Variants in CENPP observed in about 807,000 individuals in gnomAD.
CENPP encodes the protein centromere protein P.
CENPP carries 24 observed loss-of-function variants against 35.6 expected under a neutral mutation model. That is an observed-to-expected ratio of 0.67 (90% CI 0.49 to 0.95). The LOEUF is 0.95. Among genes scored for constraint, CENPP ranks in the 40% least tolerant of loss-of-function variants. CENPP has a pLI of 0.00. For missense variants in CENPP, 332 were observed against 345.3 expected (o/e 0.96, Z 0.31); for synonymous variants, 120 against 125.5 (o/e 0.96, Z 0.29).
At chr9:92,475,044 G>A in intron 5 of CENPP, 1 of 1,098,168 alleles carries the variant, frequency 9.1e-7, no homozygotes, top group Non-Finnish European at 1.2e-6. Context: ...GCTAATCTGA[G>A]AGTAAATTTA....
intron 4 of CENPP, among the ~76,000 whole-genome samples, chr9:92,368,488 C>T (rs1221774013): frequency 6.6e-6 from 1 of 152,158 alleles, no homozygotes; most frequent in Non-Finnish European, 1.5e-5. Flanking sequence ...TCAAGAGCTA[C>T]ACCAAATTAA....
rs539302447 is a variant in CENPP, at chr9:92,358,247, C to CT, written c.467+12469dup. Among the ~76,000 whole-genome samples, 65 of 148,396 alleles carry CT rather than the reference C, an allele frequency of 4.4e-4. No individual in the cohort carries two copies. The Middle Eastern group carries it at 0.01, about 24-fold the overall frequency. ...CCATGTCCCACAGTTTCCTTACATT[C>CT]TTTTTTTTTCTTTTTAATGGAGTTT... On this transcript the variant is annotated intron_variant, in intron 4 of 7. Transcript: ENST00000375587.
chr9:92,467,227 C>T (rs1287133877), intron 5 of CENPP, among the ~76,000 whole-genome samples: 1 of 152,162 alleles, frequency 6.6e-6, no homozygotes, highest in Non-Finnish European at 1.5e-5. Flanking sequence ...AAAAAGAGCT[C>T]GTACCAGTGT....
intron 5 of CENPP, among the ~76,000 whole-genome samples, chr9:92,457,975 C>T (rs1456473138): frequency 6.6e-6 from 1 of 152,054 alleles, no homozygotes; most frequent in South Asian, 2.1e-4. Flanking sequence ...GAATTAGGCT[C>T]ACAATTTGAT....
At chr9:92,495,635 A>G (rs1846307802) in intron 5 of CENPP, 1 of 934,030 alleles carries the variant, frequency 1.1e-6, no homozygotes, top group Non-Finnish European at 1.3e-6. Flanking sequence ...AATTATAGAA[A>G]AGTTTCAAAA....
intron 5 of CENPP, among the ~76,000 whole-genome samples, chr9:92,569,947 C>G (rs1334904236): frequency 1.3e-5 from 2 of 152,172 alleles, no homozygotes; most frequent in East Asian, 3.9e-4. Flanking sequence ...TGAGACTTTG[C>G]TGAAGTTGCT....
intron 5 of CENPP, among the ~76,000 whole-genome samples, chr9:92,391,062 C>T (rs1210212082): frequency 5.9e-5 from 9 of 151,398 alleles, no homozygotes; most frequent in Admixed American, 5.9e-4. Context: ...GTCAGGAGTT[C>T]GAGACCAGCC....
At chr9:92,567,393 T>G (rs111366562) in intron 5 of CENPP, among the ~76,000 whole-genome samples, 4,781 of 124,876 alleles carry the variant, frequency 0.038, 143 homozygotes, top group Middle Eastern at 0.058. Context: ...TATATATATA[T>G]ATAGATATAT....
At chr9:92,422,293 A>G (rs1277656771) in intron 5 of CENPP, among the ~76,000 whole-genome samples, 1 of 152,074 alleles carries the variant, frequency 6.6e-6, no homozygotes, top group Non-Finnish European at 1.5e-5. Flanking sequence ...ACCTCAGGTG[A>G]TCCGCCCACC....
intron 5 of CENPP, among the ~76,000 whole-genome samples, chr9:92,580,368 G>T (rs1179641335): frequency 6.6e-6 from 1 of 152,132 alleles, no homozygotes; most frequent in Admixed American, 6.6e-5. Context: ...AATAGTTTCA[G>T]AAGGAATGGT....
In CENPP at chr9:92,611,387, G is replaced by T. The variant is rs768678645; in HGVS notation, c.638G>T (p.Arg213Leu). 1 of 1,612,604 alleles carries T rather than the reference G, an allele frequency of 6.2e-7. No homozygotes were observed. The highest frequency in any genetic ancestry group is 8.5e-7 in the Non-Finnish European group (1 of 1,179,798). ...SCSMGIRSAS[R>L]PGFELVIVWR... ...TCCATGGGGATCCGCAGCGCCAGCC[G>T]GCCAGGGTGAGCCTGCACAGGCCAT... Residue 213 changes from arginine to leucine, a missense_variant, in exon 6 of 8, where the codon CGG (arginine) becomes CTG (leucine). Transcript: ENST00000375587.
chr9:92,563,408 G>A (rs1230063199), intron 5 of CENPP, among the ~76,000 whole-genome samples: 1 of 152,142 alleles, frequency 6.6e-6, no homozygotes, highest in African/African-American at 2.4e-5. Flanking sequence ...GTGTATCAGT[G>A]TATCATTTTT....
rs768201897 is a variant in CENPP, at chr9:92,552,004, GTA to G, written c.565-59302_565-59301del. 3.6e-5 allele frequency among the ~76,000 whole-genome samples: 5 copies of G among 138,730 alleles called. 1 individual carries two copies. The highest frequency in any genetic ancestry group is 2.4e-4 in the South Asian group (1 of 4,214). The allele number at this position is 138,730 out of a possible 152,430, so 91.0% of individuals were successfully genotyped here. ...GTGTGTATATATGTGATATATATGT[GTA>G]TATATATGATATGATAGATCTATCA... is the stretch of plus-strand genomic sequence containing the variant. On this transcript the variant is annotated intron_variant, in intron 5 of 7. Coordinates refer to ENST00000375587, the MANE Select transcript of CENPP (RefSeq NM_001012267.3).
chr9:92,359,384 ATTATTTATTTTAT>A lies in CENPP; in HGVS notation c.467+13608_467+13620del, dbSNP rs1167387880. 2.6e-5 allele frequency among the ~76,000 whole-genome samples: 4 copies of A among 152,088 alleles called. No individual in the cohort carries two copies. The East Asian group carries it at 7.7e-4, about 29-fold the overall frequency. On this transcript the variant is annotated intron_variant, in intron 4 of 7. Transcript: ENST00000375587. ...CAGGGTTTACAGGCTTGTTATTGTT[ATTATTTATTTTAT>A]TTATTTATTTATTCATATTTTTGTA...
chr9:92,568,802 C>A (rs547432286), intron 5 of CENPP, among the ~76,000 whole-genome samples: 1 of 152,106 alleles, frequency 6.6e-6, no homozygotes, highest in Non-Finnish European at 1.5e-5. Context: ...TGGTATCTCA[C>A]TGTGGTTTTG....
At chr9:92,523,131 A>G (rs1848182645) in intron 5 of CENPP, among the ~76,000 whole-genome samples, 1 of 151,566 alleles carries the variant, frequency 6.6e-6, no homozygotes, top group Non-Finnish European at 1.5e-5. Flanking sequence ...CCCAGGCTGG[A>G]GTGCAGTGGT....
At chr9:92,374,073 C>G (rs1483696269) in intron 4 of CENPP, among the ~76,000 whole-genome samples, 2 of 144,898 alleles carry the variant, frequency 1.4e-5, no homozygotes, top group African/African-American at 5.1e-5. Context: ...GGTCTACCCC[C>G]AGTTGCTGGA....
At chr9:92,594,344 G>A (rs547136422) in intron 5 of CENPP, among the ~76,000 whole-genome samples, 8 of 152,296 alleles carry the variant, frequency 5.3e-5, no homozygotes, top group Admixed American at 3.9e-4. Context: ...AGGTGGCCCC[G>A]TGAGCAGGTG....
chr9:92,437,003 C>T (rs1039730815), intron 5 of CENPP, among the ~76,000 whole-genome samples: 1 of 152,074 alleles, frequency 6.6e-6, no homozygotes, highest in African/African-American at 2.4e-5. Flanking sequence ...AGTTTGAGAC[C>T]AGCCTGGCCA....
Sources: gnomAD v4.1 joint callset for allele counts (sites outside exome capture counted in the v4.1 genomes callset) on GRCh38, gnomAD v4.1.1 for gene constraint, MANE v1.5 for transcripts, NCBI Gene and HGNC (gene_info 2026-07-23, HGNC 2026-07-21) for gene names.